The following CDH6 variants were observed in gnomAD, a reference collection of about 807,000 sequenced individuals.
CDH6 encodes cadherin-6.
A neutral mutation model predicts 78.0 loss-of-function variants in CDH6; 31 were observed. The observed-to-expected ratio is 0.40, with a 90% confidence interval of 0.30 to 0.54. The LOEUF (loss-of-function observed/expected upper bound fraction) is 0.54. Ranked by LOEUF, CDH6 falls within the 20% of genes least tolerant of loss-of-function variation. The probability of loss-of-function intolerance (pLI) is 0.56; values close to 1 mark genes in which losing one functional copy is unlikely to be tolerated. For missense variants in CDH6, 724 were observed against 975.9 expected (o/e 0.74, Z 3.44); for synonymous variants, 376 against 368.8 (o/e 1.02, Z -0.23).
intron 2 of CDH6, among the ~76,000 whole-genome samples, chr5:31,268,807 T>C (rs982542969): frequency 5.3e-5 from 8 of 152,332 alleles, no homozygotes; most frequent in African/African-American, 1.9e-4. Flanking sequence ...GTAAATATTC[T>C]CTTTAAGTAT....
intron 7 of CDH6, among the ~76,000 whole-genome samples, chr5:31,309,762 A>C (rs916789905): frequency 6.6e-6 from 1 of 152,186 alleles, no homozygotes; most frequent in Admixed American, 6.5e-5. Flanking sequence ...ACTTACAATC[A>C]TAGCAGAAGG....
chr5:31,281,071 G>T (rs1742850875), intron 2 of CDH6, among the ~76,000 whole-genome samples: 1 of 152,064 alleles, frequency 6.6e-6, no homozygotes, highest in Non-Finnish European at 1.5e-5. Context: ...ATAGTCATTT[G>T]TCTTATAGAG....
chr5:31,287,877 C>T (rs150525732), intron 2 of CDH6, among the ~76,000 whole-genome samples: 94 of 152,318 alleles, frequency 6.2e-4, no homozygotes, highest in African/African-American at 2.2e-3. Context: ...TTAGGGTCAA[C>T]GCAGAACTAC....
chr5:31,272,554 A>T (rs1434772431), intron 2 of CDH6, among the ~76,000 whole-genome samples: 2 of 152,220 alleles, frequency 1.3e-5, no homozygotes, highest in African/African-American at 4.8e-5. Context: ...GTAGATACAG[A>T]TTAGATTTTG....
chr5:31,297,802 G>C (rs1737654956), intron 4 of CDH6, among the ~76,000 whole-genome samples: 1 of 151,890 alleles, frequency 6.6e-6, no homozygotes, highest in African/African-American at 2.4e-5. Context: ...TGATTTATTT[G>C]GGTGAATAAA....
intron 1 of CDH6, among the ~76,000 whole-genome samples, chr5:31,213,946 C>A (rs1027658448): frequency 6.6e-6 from 1 of 152,120 alleles, no homozygotes; most frequent in Non-Finnish European, 1.5e-5. Context: ...CCCTCCTCTG[C>A]CCATTGGCAC....
intron 11 of CDH6, among the ~76,000 whole-genome samples, chr5:31,321,774 A>G (rs1738483070): frequency 6.6e-6 from 1 of 152,222 alleles, no homozygotes; most frequent in African/African-American, 2.4e-5. Flanking sequence ...TATGGATAAA[A>G]TAGTAAAGAG....
At chr5:31,253,311 C>T (rs922070995) in intron 1 of CDH6, among the ~76,000 whole-genome samples, 2 of 152,194 alleles carry the variant, frequency 1.3e-5, no homozygotes, top group African/African-American at 4.8e-5. Context: ...TGAGTGAGTT[C>T]TCACAAGATC....
chr5:31,324,881 A>T lies in CDH6; in HGVS notation c.*1573A>T, dbSNP rs1738584749. Reference sequence around the variant, plus strand: ...TCATCAGAAATTCCAGCGTACTATAATGAAAACATCCTTGTTTTGAAAACC... The same window carrying T: ...TCATCAGAAATTCCAGCGTACTATATTGAAAACATCCTTGTTTTGAAAACC... On this transcript the variant is annotated 3_prime_UTR_variant, in exon 12 of 12. Transcript: ENST00000265071. 4.9e-6 allele frequency: 1 copy of T among 203,028 alleles called. No individual in the cohort carries two copies. Among genetic ancestry groups the T allele is most frequent in the African/African-American group, 2.3e-5 (1 of 43,704 alleles). The allele number at this position is 203,028 out of a possible 1,614,324, so 12.6% of individuals were successfully genotyped here. A position where few individuals can be genotyped will look rare whatever the true frequency, so the allele number is the denominator to read the frequency against.
rs1738638040 is a variant in CDH6, at chr5:31,326,917, A to T, written c.*3609A>T. On this transcript the variant is annotated 3_prime_UTR_variant, in exon 12 of 12. Coordinates refer to ENST00000265071, the MANE Select transcript of CDH6 (RefSeq NM_004932.4). ...CACCATGTTAGCCAGGATGATCTCC[A>T]TCTCCTGACCTCGTGGTCCGCCCGC... 6.3e-6 allele frequency: 1 copy of T among 159,434 alleles called. No individual in the cohort carries two copies. The highest frequency in any genetic ancestry group is 6.5e-5 in the Admixed American group (1 of 15,398). 9.9% of individuals were successfully genotyped at this position (159,434 alleles called of 1,614,324 possible). A position where few individuals can be genotyped will look rare whatever the true frequency, so the allele number is the denominator to read the frequency against.
intron 2 of CDH6, among the ~76,000 whole-genome samples, chr5:31,273,595 G>T (rs1431782327): frequency 6.6e-6 from 1 of 152,006 alleles, no homozygotes; most frequent in Admixed American, 6.6e-5. Context: ...ATACACCCTC[G>T]CCTGTATGTC....
intron 1 of CDH6, among the ~76,000 whole-genome samples, chr5:31,223,597 TGC>T (rs912395962): frequency 6.6e-6 from 1 of 152,218 alleles, no homozygotes; most frequent in African/African-American, 2.4e-5. Flanking sequence ...CTAATTAGTA[TGC>T]TATGGAATGA....
Position 31,216,071 on chromosome 5 carries a change from T to A in CDH6, c.-129+22185T>A, listed in dbSNP as rs78898356. Among the ~76,000 whole-genome samples the A allele has an allele frequency of 1.3e-3, 203 of 152,276 alleles. 7 individuals are homozygous for A. The South Asian group carries it at 0.022, about 16-fold the overall frequency. ...TTTAAAGTTCTACAACATAGTCTATTATATTATTTAGATCATGCATTTATG... is the reference window on the plus strand; with the variant it reads ...TTTAAAGTTCTACAACATAGTCTATAATATTATTTAGATCATGCATTTATG... On this transcript the variant is annotated intron_variant, in intron 1 of 11. Transcript: ENST00000265071.
At chr5:31,205,900 C>A (rs1740504701) in intron 1 of CDH6, among the ~76,000 whole-genome samples, 1 of 152,194 alleles carries the variant, frequency 6.6e-6, no homozygotes, top group African/African-American at 2.4e-5. Context: ...AAATATCTTA[C>A]ATGAGTTTAA....
At chr5:31,300,960 C>G (rs1485500337) in intron 5 of CDH6, among the ~76,000 whole-genome samples, 1 of 152,064 alleles carries the variant, frequency 6.6e-6, no homozygotes, top group African/African-American at 2.4e-5. Flanking sequence ...GTGTCTACAA[C>G]AAGTAAAAAG....
At chr5:31,296,943 G>A (rs1737626925) in intron 3 of CDH6, among the ~76,000 whole-genome samples, 1 of 152,000 alleles carries the variant, frequency 6.6e-6, no homozygotes. Flanking sequence ...TAATTCCTGT[G>A]GACAAAGGAA....
At position 31,246,748 on chromosome 5, in the gene CDH6, C is replaced by G. The variant is rs143559490; in HGVS notation, c.-128-20598C>G. On this transcript the variant is annotated intron_variant, in intron 1 of 11. Transcript: ENST00000265071. ...AGTTTTTTGTGTTTTGTTTTTTGTT[C>G]TGTTGTTTTGTTTTGTTTTGTTTCT... Among the ~76,000 whole-genome samples, 411 of 152,006 alleles carry G rather than the reference C, an allele frequency of 2.7e-3. 6 individuals carry two copies. The highest frequency in any genetic ancestry group is 9.7e-3 in the African/African-American group (404 of 41,474).
chr5:31,277,263 A>T (rs1235050960), intron 2 of CDH6, among the ~76,000 whole-genome samples: 6 of 152,212 alleles, frequency 3.9e-5, no homozygotes, highest in Non-Finnish European at 7.3e-5. Flanking sequence ...ATTTGAAAAC[A>T]TCATCACTTT....
At chr5:31,252,491 G>A (rs929959375) in intron 1 of CDH6, among the ~76,000 whole-genome samples, 1 of 152,172 alleles carries the variant, frequency 6.6e-6, no homozygotes, top group South Asian at 2.1e-4. Context: ...CAAATGGAAT[G>A]ATACCTGAGT....
Sources: allele counts gnomAD v4.1 joint callset (sites outside exome capture counted in the v4.1 genomes callset), GRCh38; gene constraint gnomAD v4.1.1; transcripts MANE v1.5; gene names NCBI Gene and HGNC (gene_info 2026-07-23, HGNC 2026-07-21).